Variants in SEMA3A observed in about 807,000 individuals in gnomAD.
SEMA3A encodes the protein semaphorin 3A.
A neutral mutation model predicts 97.9 loss-of-function variants in SEMA3A; 29 were observed. The observed-to-expected ratio is 0.30, with a 90% CI of 0.22 to 0.40. The LOEUF is 0.40. SEMA3A is among the 10% of genes least tolerant of loss of function. SEMA3A has a pLI of 1.00. For synonymous variants in SEMA3A, 321 were observed against 323.7 expected, an observed-to-expected ratio of 0.99 and a Z score of 0.09; for missense variants, 763 against 951.3, an observed-to-expected ratio of 0.80 and a Z score of 2.60.
rs181254521 is a variant in SEMA3A at position 84,360,456 on chromosome 7, G to A, written c.-169+11368C>T. Among the ~76,000 whole-genome samples the A allele has an allele frequency of 2.3e-3, 351 of 152,186 alleles. 1 individual carries two copies. The highest frequency in any genetic ancestry group is 3.4e-3 in the Middle Eastern group (1 of 294). On this transcript the variant is annotated intron_variant, in intron 2 of 3. Transcript: ENST00000424555. ...TTTCCGTGTAGTTGAGCAGTTTTGA[G>A]TGAGTTTCTTAATCCTGAGTTCTAG...
At chr7:84,391,971 AAT>A (rs747649965) in intron 1 of SEMA3A, among the ~76,000 whole-genome samples, 1 of 151,604 alleles carries the variant, frequency 6.6e-6, no homozygotes, top group East Asian at 2.0e-4. Flanking sequence ...AAAAAAAAAA[AAT>A]CTATTGAAAA....
At chr7:83,971,430 C>CAAA (rs58083024) in intron 15 of SEMA3A, among the ~76,000 whole-genome samples, 3 of 132,754 alleles carry the variant, frequency 2.3e-5, no homozygotes, top group Non-Finnish European at 3.3e-5. Context: ...GAAACTCCAT[C>CAAA]AAAAAAAAAA....
At chr7:84,064,915 C>T (rs1196753667) in intron 4 of SEMA3A, among the ~76,000 whole-genome samples, 8 of 152,238 alleles carry the variant, frequency 5.3e-5, no homozygotes, top group South Asian at 4.1e-4. Flanking sequence ...CTGCGCCAAG[C>T]GGACCTAATA....
At chr7:84,405,818 A>G (rs1322853943) in intron 1 of SEMA3A, among the ~76,000 whole-genome samples, 2 of 152,218 alleles carry the variant, frequency 1.3e-5, no homozygotes, top group Non-Finnish European at 2.9e-5. Context: ...TAACAAAATG[A>G]AGGCAGAAAT....
intron 3 of SEMA3A, among the ~76,000 whole-genome samples, chr7:84,211,588 C>T (rs750497138): frequency 4.6e-5 from 7 of 151,610 alleles, no homozygotes; most frequent in Non-Finnish European, 1.0e-4. Context: ...CACCATTGCA[C>T]TGCAACCTGG....
intron 4 of SEMA3A, among the ~76,000 whole-genome samples, chr7:84,080,283 C>T (rs1583929820): frequency 1.3e-5 from 2 of 151,132 alleles, no homozygotes; most frequent in African/African-American, 4.9e-5. Flanking sequence ...AGCACACCAA[C>T]ATGGCACATG....
intron 1 of SEMA3A, among the ~76,000 whole-genome samples, chr7:84,403,729 G>A (rs182734731): frequency 2.0e-5 from 3 of 152,170 alleles, no homozygotes; most frequent in Admixed American, 1.3e-4. Context: ...CAACATTTGC[G>A]GTTCACCAAT....
chr7:84,398,584 T>C (rs1202653762), intron 1 of SEMA3A, among the ~76,000 whole-genome samples: 2 of 152,022 alleles, frequency 1.3e-5, no homozygotes, highest in African/African-American at 4.8e-5. Flanking sequence ...ATAGCAAGAC[T>C]CTGTCTCTAC....
chr7:84,186,003 G>GT (rs1797872189), intron 1 of SEMA3A, among the ~76,000 whole-genome samples: 1 of 152,076 alleles, frequency 6.6e-6, no homozygotes, highest in Non-Finnish European at 1.5e-5. Flanking sequence ...AGACAACCAC[G>GT]TATCAACTCT....
intron 6 of SEMA3A, among the ~76,000 whole-genome samples, chr7:84,022,003 T>C (rs1383283758): frequency 6.6e-6 from 1 of 152,208 alleles, no homozygotes; most frequent in East Asian, 1.9e-4. Flanking sequence ...TCTTTTTACG[T>C]AGAAGAAGCT....
At chr7:84,366,033 A>G (rs1802839665) in intron 2 of SEMA3A, among the ~76,000 whole-genome samples, 1 of 151,466 alleles carries the variant, frequency 6.6e-6, no homozygotes, top group Non-Finnish European at 1.5e-5. Context: ...ACATTTGTCA[A>G]TAAGGAAAAA....
intron 1 of SEMA3A, among the ~76,000 whole-genome samples, chr7:84,414,721 A>G (rs1196804833): frequency 1.3e-5 from 2 of 152,092 alleles, no homozygotes; most frequent in Non-Finnish European, 2.9e-5. Flanking sequence ...AAAAATGTCA[A>G]TATCATGAAA....
chr7:83,987,538 G>A (rs533640086), intron 12 of SEMA3A, among the ~76,000 whole-genome samples: 3 of 152,204 alleles, frequency 2.0e-5, no homozygotes, highest in African/African-American at 7.2e-5. Context: ...GGCATCTCAC[G>A]TGTCTTTCCA....
intron 10 of SEMA3A, among the ~76,000 whole-genome samples, chr7:84,006,920 T>C (rs1790690640): frequency 6.6e-6 from 1 of 152,134 alleles, no homozygotes; most frequent in Non-Finnish European, 1.5e-5. Context: ...TTAAGGAATG[T>C]AAGGTTGTAT....
chr7:84,468,712 C>A lies in SEMA3A; in HGVS notation c.-246+23748G>T, dbSNP rs570869431. On this transcript the variant is annotated intron_variant, in intron 1 of 3. Transcript: ENST00000424555. ...AAATAGGTGTGAGACAAAGAGATTT[C>A]TTACCTTCATGTTCAGTATAAATTG... Among the ~76,000 whole-genome samples the A allele has an allele frequency of 5.3e-5, 8 of 152,164 alleles. No homozygotes were observed. In the East Asian group the frequency reaches 1.5e-3, roughly 29 times the overall value.
chr7:84,017,988 T>C (rs1791171674), intron 6 of SEMA3A, among the ~76,000 whole-genome samples: 1 of 152,196 alleles, frequency 6.6e-6, no homozygotes, highest in Non-Finnish European at 1.5e-5. Context: ...ATATCTGCTA[T>C]AAATTGAAGC....
chr7:84,050,290 T>G (rs1478368777), intron 5 of SEMA3A, among the ~76,000 whole-genome samples: 1 of 152,198 alleles, frequency 6.6e-6, no homozygotes, highest in Non-Finnish European at 1.5e-5. Context: ...CCACACTGAC[T>G]TCCACAATGG....
intron 3 of SEMA3A, among the ~76,000 whole-genome samples, chr7:84,243,638 G>A (rs531090815): frequency 6.6e-6 from 1 of 152,036 alleles, no homozygotes; most frequent in South Asian, 2.1e-4. Context: ...GGGTTTTCAT[G>A]TCTCTATCTC....
chr7:84,014,478 C>A, intron 6 of SEMA3A, 127 bp from the exon 7 acceptor site: 2 of 716,948 alleles, frequency 2.8e-6, no homozygotes, highest in East Asian at 2.8e-5. Flanking sequence ...TTCGTTTGTT[C>A]ATTTTGTAGG....
Sources: allele counts gnomAD v4.1 joint callset (sites outside exome capture counted in the v4.1 genomes callset), GRCh38; gene constraint gnomAD v4.1.1; transcripts MANE v1.5; gene names NCBI Gene and HGNC (gene_info 2026-07-23, HGNC 2026-07-21).